Variants in PTPRT observed in about 807,000 individuals in gnomAD.
The protein encoded by PTPRT is receptor-type tyrosine-protein phosphatase T.
PTPRT carries 56 observed loss-of-function variants against 176.8 expected under a neutral mutation model. That is an observed-to-expected ratio of 0.32 (90% CI 0.26 to 0.40). The LOEUF is 0.40. Among genes scored for constraint, PTPRT ranks in the 10% least tolerant of loss-of-function variants. PTPRT has a pLI of 1.00. For synonymous variants in PTPRT, 783 were observed against 739.0 expected (o/e 1.06, Z -0.96); for missense variants, 1,540 against 1,908.2 (o/e 0.81, Z 3.60).
At chr20:42,095,951 A>C (rs1600495102) in intron 27 of PTPRT, among the ~76,000 whole-genome samples, 2 of 151,938 alleles carry the variant, frequency 1.3e-5, no homozygotes, top group Admixed American at 1.3e-4. Context: ...GCCTTCCCCT[A>C]CCTTCCTGAC....
Position 42,245,302 on chromosome 20 carries a change from C to T in PTPRT, c.2312+3385G>A, listed in dbSNP as rs116084973. On this transcript the variant is annotated intron_variant, in intron 14 of 30. Coordinates refer to ENST00000373187, the MANE Select transcript of PTPRT (RefSeq NM_007050.6). ...TCATATCATCCTGTTTATGTCCATG[C>T]AATCCTAATTCCATATGGTTCCACA... Among the ~76,000 whole-genome samples the T allele has an allele frequency of 3.0e-3, 454 of 152,238 alleles. 1 individual carries two copies. The highest frequency in any genetic ancestry group is 0.01 in the African/African-American group (420 of 41,540).
chr20:42,482,473 G>C (rs2071403825), intron 7 of PTPRT, among the ~76,000 whole-genome samples: 1 of 152,164 alleles, frequency 6.6e-6, no homozygotes. Context: ...CATTTGTTTT[G>C]TATTTTGAGT....
chr20:42,271,312 C>T (rs1427045752), intron 13 of PTPRT, among the ~76,000 whole-genome samples: 1 of 152,162 alleles, frequency 6.6e-6, no homozygotes, highest in Admixed American at 6.5e-5. Flanking sequence ...CTCCCTCCTG[C>T]TCCTTCACCT....
At chr20:42,915,906 T>C (rs946088755) in intron 1 of PTPRT, among the ~76,000 whole-genome samples, 7 of 151,952 alleles carry the variant, frequency 4.6e-5, no homozygotes, top group African/African-American at 1.7e-4. Flanking sequence ...CGGCCCGCTA[T>C]TGTTTTTAAA....
In PTPRT at chr20:43,151,246, C is replaced by T. The variant is rs548478880; in HGVS notation, c.88+38400G>A. 9.8e-4 allele frequency among the ~76,000 whole-genome samples: 144 copies of T among 147,502 alleles called. 1 individual carries two copies. Among genetic ancestry groups the T allele is most frequent in the African/African-American group, 1.4e-3 (56 of 39,736 alleles). ...GCTTGAACCCGGGAGGCGGAGGTTG[C>T]GGTGAGCTGAGATCGTGCCATTGCA... On this transcript the variant is annotated intron_variant, in intron 1 of 30. Transcript: ENST00000373187.
At chr20:42,678,862 G>T (rs1310199987) in intron 6 of PTPRT, among the ~76,000 whole-genome samples, 1 of 152,142 alleles carries the variant, frequency 6.6e-6, no homozygotes, top group Admixed American at 6.5e-5. Context: ...GGAGCCTGAG[G>T]TCTATAAACA....
At chr20:42,147,854 G>C (rs942143895) in intron 17 of PTPRT, among the ~76,000 whole-genome samples, 3 of 152,188 alleles carry the variant, frequency 2.0e-5, no homozygotes, top group African/African-American at 7.2e-5. Context: ...GCCTCTGGGA[G>C]GGAGTGGTAA....
chr20:42,452,139 C>T (rs551723443), intron 8 of PTPRT, among the ~76,000 whole-genome samples: 14 of 151,548 alleles, frequency 9.2e-5, no homozygotes, highest in South Asian at 6.3e-4. Flanking sequence ...TATGGTGGCG[C>T]GCACCTGTAG....
chr20:42,444,897 T>C (rs561977879), intron 9 of PTPRT, among the ~76,000 whole-genome samples: 5 of 152,338 alleles, frequency 3.3e-5, no homozygotes, highest in African/African-American at 1.2e-4. Flanking sequence ...GCTTACTGTC[T>C]GGGGCTGGAT....
intron 2 of PTPRT, among the ~76,000 whole-genome samples, chr20:42,868,328 GA>G (rs2078785662): frequency 6.6e-6 from 1 of 152,166 alleles, no homozygotes; most frequent in African/African-American, 2.4e-5. Flanking sequence ...CAAGAAATAA[GA>G]TATTGGAAAC....
chr20:43,031,095 G>A (rs542849632), intron 1 of PTPRT, among the ~76,000 whole-genome samples: 1 of 152,276 alleles, frequency 6.6e-6, no homozygotes, highest in African/African-American at 2.4e-5. Flanking sequence ...CTTGAACTGA[G>A]GCAAGAGTAT....
At chr20:42,747,476 T>A (rs748231563) in intron 6 of PTPRT, among the ~76,000 whole-genome samples, 1 of 151,864 alleles carries the variant, frequency 6.6e-6, no homozygotes, top group Non-Finnish European at 1.5e-5. Flanking sequence ...AGTGACAAGA[T>A]CTAGGAGGAA....
the PTPRT span, among the ~76,000 whole-genome samples, chr20:42,058,047 C>T: frequency 6.6e-6 from 1 of 152,176 alleles, no homozygotes; most frequent in African/African-American, 2.4e-5. Context: ...AATGGAGTCA[C>T]ACGAACAGCC....
intron 1 of PTPRT, among the ~76,000 whole-genome samples, chr20:42,994,062 G>C (rs1984097366): frequency 6.6e-6 from 1 of 152,036 alleles, no homozygotes; most frequent in Non-Finnish European, 1.5e-5. Context: ...TTATTCTTTG[G>C]ATTATAATTT....
At chr20:42,656,624 A>G (rs1178587478) in intron 7 of PTPRT, among the ~76,000 whole-genome samples, 1 of 152,192 alleles carries the variant, frequency 6.6e-6, no homozygotes, top group Non-Finnish European at 1.5e-5. Flanking sequence ...AGTCTTGAAA[A>G]TGCTCACTGA....
chr20:42,822,950 TG>T (rs1213124072), intron 2 of PTPRT, among the ~76,000 whole-genome samples: 26 of 152,200 alleles, frequency 1.7e-4, no homozygotes, highest in Non-Finnish European at 1.9e-4. Context: ...TTGGTAGGAA[TG>T]TAACAACCAT....
intron 2 of PTPRT, among the ~76,000 whole-genome samples, chr20:42,840,603 G>C (rs905480214): frequency 2.0e-5 from 3 of 152,032 alleles, no homozygotes; most frequent in African/African-American, 7.2e-5. Context: ...AGTAGAGACG[G>C]GGTTTCACCA....
At chr20:42,342,407 T>C (rs910997672) in intron 11 of PTPRT, among the ~76,000 whole-genome samples, 1 of 152,194 alleles carries the variant, frequency 6.6e-6, no homozygotes, top group Non-Finnish European at 1.5e-5. Flanking sequence ...TATGTCTGGG[T>C]ATCTCTTATC....
chr20:42,751,586 T>C (rs114818947), intron 6 of PTPRT, among the ~76,000 whole-genome samples: 1,741 of 152,232 alleles, frequency 0.011, 35 homozygotes, highest in African/African-American at 0.04. Flanking sequence ...CCAACCACAA[T>C]GTGGGTGGAC....
Sources: gnomAD v4.1 joint callset for allele counts (sites outside exome capture counted in the v4.1 genomes callset) on GRCh38, gnomAD v4.1.1 for gene constraint, MANE v1.5 for transcripts, NCBI Gene and HGNC (gene_info 2026-07-23, HGNC 2026-07-21) for gene names.